The following AOPEP variants were observed in gnomAD, a reference collection of about 807,000 sequenced individuals.
AOPEP encodes aminopeptidase O (putative), also known as aminopeptidase O.
AOPEP carries 77 observed loss-of-function variants against 98.1 expected under a neutral mutation model. The observed-to-expected ratio is 0.78, with a 90% CI of 0.65 to 0.95. The LOEUF is 0.95. Among genes scored for constraint, AOPEP ranks in the 40% least tolerant of loss-of-function variants. The pLI, the probability that AOPEP is intolerant of heterozygous loss-of-function variation, is 0.00. For synonymous variants in AOPEP, 346 were observed against 365.3 expected (o/e 0.95, Z 0.60); for missense variants, 1,024 against 1,024.7 (o/e 1.00, Z 0.01).
chr9:94,998,923 AT>A lies in AOPEP; in HGVS notation c.1978-6232del, dbSNP rs369069219. 7.2e-3 allele frequency among the ~76,000 whole-genome samples: 1,094 copies of A among 152,322 alleles called. 18 individuals carry two copies. Among genetic ancestry groups the A allele is most frequent in the African/African-American group, 0.025 (1,041 of 41,570 alleles). ...AATAGTCCTGTATAGTATTATGTTT[AT>A]TTGATGATGTCTGTATAGTATTATA... On this transcript the variant is annotated intron_variant, in intron 11 of 16. Transcript: ENST00000375315.
In AOPEP at chr9:94,985,998, AT is replaced by A. The variant is rs1477805620; in HGVS notation, c.1977+6576del. Among the ~76,000 whole-genome samples, 4 of 152,256 alleles carry A rather than the reference AT, an allele frequency of 2.6e-5. No individual in the cohort carries two copies. The East Asian group carries it at 7.7e-4, about 29-fold the overall frequency. On this transcript the variant is annotated intron_variant, in intron 11 of 16. Transcript: ENST00000375315. The stretch of plus-strand genomic sequence containing the variant: ...TTTCATTTTTAGCTTAATTTCCTTT[AT>A]TTTTGGCATCTAAGGCTTTGTGCTC...
At chr9:94,998,817 A>C (rs950373448) in intron 11 of AOPEP, among the ~76,000 whole-genome samples, 1 of 152,208 alleles carries the variant, frequency 6.6e-6, no homozygotes, top group East Asian at 1.9e-4. Flanking sequence ...TTCAACTTAC[A>C]TTATTCTCTC....
intron 14 of AOPEP, among the ~76,000 whole-genome samples, chr9:95,070,157 G>C (rs116364011): frequency 1.3e-5 from 2 of 152,322 alleles, no homozygotes; most frequent in African/African-American, 2.4e-5. Flanking sequence ...AAGCCCCTGG[G>C]GCAGTCCCCC....
intron 1 of AOPEP, among the ~76,000 whole-genome samples, chr9:94,759,374 G>C (rs1010300755): frequency 6.6e-6 from 1 of 152,202 alleles, no homozygotes; most frequent in Non-Finnish European, 1.5e-5. Context: ...CATAACACTT[G>C]CTGTTTTCTA....
chr9:95,147,274 T>C, the AOPEP span, among the ~76,000 whole-genome samples: 1 of 152,120 alleles, frequency 6.6e-6, no homozygotes, highest in African/African-American at 2.4e-5. Context: ...TCCCAGCACT[T>C]TGGGAGGCCG....
At chr9:94,853,095 C>T (rs2043758552) in intron 5 of AOPEP, among the ~76,000 whole-genome samples, 1 of 152,016 alleles carries the variant, frequency 6.6e-6, no homozygotes, top group Non-Finnish European at 1.5e-5. Context: ...ACAAATGATT[C>T]CTTTGAGTAG....
chr9:94,777,380 T>C lies in AOPEP; in HGVS notation c.964+4212T>C, dbSNP rs575956231. Among the ~76,000 whole-genome samples the C allele has an allele frequency of 9.9e-4, 148 of 149,018 alleles. 1 individual carries two copies. Among genetic ancestry groups the C allele is most frequent in the Admixed American group, 2.8e-3 (41 of 14,824 alleles). ...CCGGGAGGCGGAGCTTGCAGTGAGC[T>C]GAGATCGTGCCACTGCACTCCAGTC... On this transcript the variant is annotated intron_variant, in intron 3 of 16. Transcript: ENST00000375315.
chr9:94,913,422 T>C (rs955010896), intron 5 of AOPEP, among the ~76,000 whole-genome samples: 3 of 152,184 alleles, frequency 2.0e-5, no homozygotes, highest in Non-Finnish European at 4.4e-5. Flanking sequence ...AGGACCACCC[T>C]GGGAAATAAG....
At chr9:94,887,127 G>T (rs1291547756) in intron 5 of AOPEP, among the ~76,000 whole-genome samples, 1 of 151,904 alleles carries the variant, frequency 6.6e-6, no homozygotes, top group African/African-American at 2.4e-5. Context: ...GATCCCTTGA[G>T]CTCAGGAGTT....
chr9:94,925,913 G>A (rs928379785), intron 6 of AOPEP, among the ~76,000 whole-genome samples: 2 of 152,346 alleles, frequency 1.3e-5, no homozygotes, highest in Admixed American at 6.5e-5. Context: ...GTGTGAATGA[G>A]CTTAGCACAG....
At position 94,812,487 on chromosome 9, in the gene AOPEP, C is replaced by T. The variant is rs78554647; in HGVS notation, c.1364+11485C>T. ...CTTTATACCCCCTGCCTGAGGGGCA[C>T]CTCTGTAAGGGAATCTTATTACTTA... is the stretch of plus-strand genomic sequence containing the variant. On this transcript the variant is annotated intron_variant, in intron 5 of 16. Transcript: ENST00000375315. 6.3e-3 allele frequency among the ~76,000 whole-genome samples: 966 copies of T among 152,224 alleles called. 9 individuals are homozygous for T. The highest frequency in any genetic ancestry group is 0.022 in the African/African-American group (918 of 41,528).
chr9:94,955,722 G>A (rs2058401613), intron 8 of AOPEP, among the ~76,000 whole-genome samples, 186 bp from the exon 9 acceptor site: 1 of 152,054 alleles, frequency 6.6e-6, no homozygotes, highest in East Asian at 1.9e-4. Context: ...TAACAAAGGA[G>A]TTGAGAACTA....
intron 3 of AOPEP, among the ~76,000 whole-genome samples, chr9:94,785,291 C>T (rs560528272): frequency 2.8e-4 from 42 of 152,350 alleles, no homozygotes; most frequent in African/African-American, 9.9e-4. Flanking sequence ...ATTTCAAGTT[C>T]TGTTATAGCT....
chr9:95,010,618 A>G (rs1007371956), intron 13 of AOPEP, among the ~76,000 whole-genome samples: 2 of 152,216 alleles, frequency 1.3e-5, no homozygotes, highest in Admixed American at 6.5e-5. Flanking sequence ...GTCTACATTT[A>G]TATAGCCGTA....
intron 1 of AOPEP, among the ~76,000 whole-genome samples, chr9:94,754,638 G>A (rs1413330899): frequency 6.6e-6 from 1 of 152,130 alleles, no homozygotes; most frequent in African/African-American, 2.4e-5. Context: ...ACCTTTGGAT[G>A]GCAATTCCAC....
chr9:94,790,005 C>T, intron 3 of AOPEP, among the ~76,000 whole-genome samples: 1 of 151,736 alleles, frequency 6.6e-6, no homozygotes, highest in Non-Finnish European at 1.5e-5. Context: ...TCCCGAGTAG[C>T]TGGGACTACA....
intron 3 of AOPEP, among the ~76,000 whole-genome samples, chr9:94,780,355 C>CT (rs112786882): frequency 0.011 from 1,710 of 151,396 alleles, 22 homozygotes; most frequent in Non-Finnish European, 0.018. Context: ...ATCTGTGGAC[C>CT]TTTTTTTTTC....
intron 5 of AOPEP, among the ~76,000 whole-genome samples, chr9:94,884,182 A>G (rs2135914713): frequency 6.6e-6 from 1 of 152,354 alleles, no homozygotes; most frequent in South Asian, 2.1e-4. Context: ...TGGCGAGAAG[A>G]AGAAACCATT....
At chr9:94,786,105 TAAAG>T (rs1219132222) in intron 3 of AOPEP, among the ~76,000 whole-genome samples, 2 of 152,204 alleles carry the variant, frequency 1.3e-5, no homozygotes, top group Non-Finnish European at 2.9e-5. Flanking sequence ...TAGACAGCTG[TAAAG>T]ATGAGAGCTT....
Sources: allele counts gnomAD v4.1 joint callset (sites outside exome capture counted in the v4.1 genomes callset), GRCh38; gene constraint gnomAD v4.1.1; transcripts MANE v1.5; gene names NCBI Gene and HGNC (gene_info 2026-07-23, HGNC 2026-07-21).